BPTF: variants seen among roughly 807,000 people sequenced by gnomAD.
BPTF encodes nucleosome-remodeling factor subunit BPTF.
BPTF carries 18 observed loss-of-function variants against 292.5 expected under a neutral mutation model. That is an observed-to-expected ratio of 0.06 (90% CI 0.04 to 0.09). BPTF has a LOEUF of 0.09. Ranked by LOEUF, BPTF falls within the 10% of genes least tolerant of loss-of-function variation. BPTF has a pLI of 1.00. For synonymous variants in BPTF, 1,225 were observed against 1,251.9 expected (o/e 0.98, Z 0.45); for missense variants, 2,726 against 3,498.7 (o/e 0.78, Z 5.57).
Position 67,964,723 on chromosome 17 carries a change from G to A in BPTF, c.8454+319G>A, listed in dbSNP as rs527338892. 4.6e-5 allele frequency among the ~76,000 whole-genome samples: 7 copies of A among 152,230 alleles called. No homozygotes were observed. The South Asian group carries it at 1.0e-3, about 23-fold the overall frequency. ...GATTAGATTATAGTTGTTCTTGGCC[G>A]GGCATGGTGGCTCATGCCTGTAATC... is the stretch of plus-strand genomic sequence containing the variant. On this transcript the variant is annotated intron_variant, in intron 25 of 27. Transcript: ENST00000306378.
Position 67,922,976 on chromosome 17 carries a change from G to A in BPTF, c.5694G>A (p.Arg1898=), listed in dbSNP as rs59088743. 6,085 of 1,613,652 alleles carry A rather than the reference G, an allele frequency of 3.8e-3. 136 individuals are homozygous for A. In the African/African-American group the frequency reaches 0.055, roughly 15 times the overall value. The change falls in exon 14 of 28, where the codon AGG becomes AGA. Residue 1898 remains arginine (R), a synonymous_variant. Coordinates refer to ENST00000306378, the MANE Select transcript of BPTF (RefSeq NM_182641.4). ...AEEELELWEI[R]AFAERVEKEK... is the part of the protein sequence containing the mutation. ...AAGAACTGGAATTGTGGGAGATCAGGGCATTTGCTGAGAGGTAAGGAAATG... is the reference window on the plus strand; with the variant it reads ...AAGAACTGGAATTGTGGGAGATCAGAGCATTTGCTGAGAGGTAAGGAAATG...
At chr17:67,900,061 A>G (rs2061718905) in intron 7 of BPTF, among the ~76,000 whole-genome samples, 1 of 152,092 alleles carries the variant, frequency 6.6e-6, no homozygotes, top group Admixed American at 6.5e-5. Context: ...AACAACAACA[A>G]CAAAAACCTC....
At chr17:67,839,319 T>C in intron 1 of BPTF, among the ~76,000 whole-genome samples, 1 of 152,164 alleles carries the variant, frequency 6.6e-6, no homozygotes. Context: ...TCTCTTTTTT[T>C]TCCTAAGTTT....
At chr17:67,853,147 G>A (rs1407902429) in intron 1 of BPTF, among the ~76,000 whole-genome samples, 3 of 152,172 alleles carry the variant, frequency 2.0e-5, no homozygotes, top group East Asian at 1.9e-4. Flanking sequence ...AGATAGATAC[G>A]TTTGTTAAAA....
intron 4 of BPTF, among the ~76,000 whole-genome samples, chr17:67,887,086 A>G (rs1000689423): frequency 6.6e-6 from 1 of 152,234 alleles, no homozygotes; most frequent in Non-Finnish European, 1.5e-5. Context: ...AGAGATTTAT[A>G]CCAGTAACTT....
chr17:67,901,034 GA>G lies in BPTF; in HGVS notation c.2544-2747del, dbSNP rs1305899255. 4.6e-5 allele frequency among the ~76,000 whole-genome samples: 7 copies of G among 150,980 alleles called. No individual in the cohort carries two copies. The South Asian group carries it at 1.0e-3, about 23-fold the overall frequency. On this transcript the variant is annotated intron_variant, in intron 7 of 27. Transcript: ENST00000306378. Reference sequence around the variant, plus strand: ...AACCTGTCTTTAAAAAAAAAGAAAAGAAAAAAAAGTTATTGTGTAAGAATAG... The same window carrying G: ...AACCTGTCTTTAAAAAAAAAGAAAAGAAAAAAAGTTATTGTGTAAGAATAG...
At position 67,854,918 on chromosome 17, in the gene BPTF, A is replaced by T. The variant is rs151219553; in HGVS notation, c.1436+156A>T. Among the ~76,000 whole-genome samples, 1 of 152,240 alleles carries T rather than the reference A, an allele frequency of 6.6e-6. No individual in the cohort carries two copies. Among genetic ancestry groups the T allele is most frequent in the East Asian group, 1.9e-4 (1 of 5,204 alleles). On this transcript the variant is annotated intron_variant, in intron 2 of 27. Coordinates refer to ENST00000306378, the MANE Select transcript of BPTF (RefSeq NM_182641.4). The surrounding 1 kb of genome is among the most constrained non-coding windows in gnomAD (Gnocchi z 5.6). ...ATTTCTTAATTGAAGGAATATGTGCATTAAAATAGCTTTTAAGAAGGTAAA... is the reference window on the plus strand; with the variant it reads ...ATTTCTTAATTGAAGGAATATGTGCTTTAAAATAGCTTTTAAGAAGGTAAA...
intron 6 of BPTF, 129 bp downstream of exon 6, chr17:67,893,854 A>T (rs1321080952): frequency 1.8e-6 from 2 of 1,124,760 alleles, no homozygotes; most frequent in East Asian, 4.9e-5. Flanking sequence ...AGCAGACAGG[A>T]CATTAGAGGC....
At chr17:67,864,793 C>T (rs972180107) in intron 2 of BPTF, among the ~76,000 whole-genome samples, 4 of 151,642 alleles carry the variant, frequency 2.6e-5, no homozygotes, top group Non-Finnish European at 4.4e-5. Flanking sequence ...GTTGATCATT[C>T]CTTATTTATT....
intron 24 of BPTF, among the ~76,000 whole-genome samples, chr17:67,961,978 AAAAAAG>A (rs1456347654): frequency 1.3e-5 from 2 of 151,740 alleles, no homozygotes; most frequent in South Asian, 2.1e-4. Flanking sequence ...TGTCAAAAAA[AAAAAAG>A]AAAAGAAAAA....
chr17:67,828,235 C>T (rs186354460), intron 1 of BPTF, among the ~76,000 whole-genome samples: 15 of 152,028 alleles, frequency 9.9e-5, no homozygotes, highest in African/African-American at 3.4e-4. Flanking sequence ...CAGCCTAGTA[C>T]GTTTTTTATA....
At chr17:67,948,418 AC>A in intron 23 of BPTF, 112 bp downstream of exon 23, 1 of 964,794 alleles carries the variant, frequency 1.0e-6, no homozygotes, top group South Asian at 1.7e-5. Context: ...TCTAGAACTT[AC>A]ATTTGTGTAC....
intron 26 of BPTF, among the ~76,000 whole-genome samples, chr17:67,971,231 A>G (rs2068725038): frequency 1.3e-5 from 2 of 152,090 alleles, no homozygotes; most frequent in African/African-American, 2.4e-5. Flanking sequence ...GGCATGCGCC[A>G]CCACACCCAG....
chr17:67,967,648 C>T (rs915732268), intron 26 of BPTF, among the ~76,000 whole-genome samples: 11 of 151,730 alleles, frequency 7.2e-5, no homozygotes, highest in African/African-American at 1.2e-4. Flanking sequence ...TGGCGAAATA[C>T]GTCTCTACAA....
chr17:67,864,956 C>T (rs746459334), intron 2 of BPTF, among the ~76,000 whole-genome samples: 3 of 152,118 alleles, frequency 2.0e-5, no homozygotes, highest in Non-Finnish European at 2.9e-5. Context: ...AGGCGCCTGC[C>T]ACCATGCCCG....
chr17:67,917,843 G>A (rs1469469567), intron 11 of BPTF, among the ~76,000 whole-genome samples: 2 of 151,662 alleles, frequency 1.3e-5, no homozygotes, highest in South Asian at 2.1e-4. Context: ...ACAGAGTCTC[G>A]CTCTGTCGCC....
chr17:67,840,358 C>T (rs1476282310), intron 1 of BPTF, among the ~76,000 whole-genome samples: 1 of 152,084 alleles, frequency 6.6e-6, no homozygotes, highest in East Asian at 1.9e-4. Flanking sequence ...CCACCTGCCT[C>T]GGCCTCTCAA....
chr17:67,845,770 C>CA (rs1356496051), intron 1 of BPTF, among the ~76,000 whole-genome samples: 1 of 150,252 alleles, frequency 6.7e-6, no homozygotes, highest in African/African-American at 2.4e-5. Flanking sequence ...GATTCTGTCT[C>CA]AAAAAATATA....
intron 2 of BPTF, among the ~76,000 whole-genome samples, chr17:67,861,064 GT>G (rs1402950151): frequency 1.3e-5 from 2 of 152,118 alleles, no homozygotes; most frequent in Non-Finnish European, 2.9e-5. Context: ...CCTCAAACGT[GT>G]TTAAAACCAA....
Sources: allele counts gnomAD v4.1 joint callset (sites outside exome capture counted in the v4.1 genomes callset), GRCh38; gene constraint gnomAD v4.1.1; non-coding constraint Gnocchi (gnomAD v3.1); transcripts MANE v1.5; gene names NCBI Gene and HGNC (gene_info 2026-07-23, HGNC 2026-07-21).